ZNF804B: variants seen among roughly 807,000 people sequenced by gnomAD.
ZNF804B encodes zinc finger protein 804B, also known as zinc finger 804B.
In ZNF804B, 80 loss-of-function variants were observed where a neutral mutation model predicts 101.4. The observed-to-expected ratio is 0.79, with a 90% CI of 0.66 to 0.95. ZNF804B has a LOEUF of 0.95. Among genes scored for constraint, ZNF804B ranks in the 40% least tolerant of loss-of-function variants. The pLI, the probability that ZNF804B is intolerant of heterozygous loss-of-function variation, is 0.00. For synonymous variants in ZNF804B, 622 were observed against 558.8 expected (o/e 1.11, Z -1.59); for missense variants, 1,673 against 1,561.9 (o/e 1.07, Z -1.20).
intron 3 of ZNF804B, among the ~76,000 whole-genome samples, chr7:89,331,369 A>G (rs1790979321): frequency 6.6e-6 from 1 of 151,756 alleles, no homozygotes; most frequent in South Asian, 2.1e-4. Context: ...TGCTTGAAAG[A>G]AACATTCAGT....
intron 2 of ZNF804B, among the ~76,000 whole-genome samples, chr7:89,314,396 C>A (rs1790690376): frequency 6.6e-6 from 1 of 152,110 alleles, no homozygotes; most frequent in African/African-American, 2.4e-5. Flanking sequence ...ACCAGTCATA[C>A]TGTCCAGATG....
intron 1 of ZNF804B, among the ~76,000 whole-genome samples, chr7:88,968,474 TC>T (rs1793488198): frequency 6.6e-6 from 1 of 151,662 alleles, no homozygotes; most frequent in Non-Finnish European, 1.5e-5. Flanking sequence ...GATGGATCCA[TC>T]CACGTTCCTA....
intron 1 of ZNF804B, among the ~76,000 whole-genome samples, chr7:89,011,169 A>G (rs1043706133): frequency 2.0e-5 from 3 of 152,120 alleles, no homozygotes; most frequent in Non-Finnish European, 4.4e-5. Flanking sequence ...AATGTCAGAC[A>G]CTTATAGAAC....
intron 1 of ZNF804B, among the ~76,000 whole-genome samples, chr7:88,901,045 A>G (rs1792382262): frequency 6.6e-6 from 1 of 151,880 alleles, no homozygotes; most frequent in South Asian, 2.1e-4. Flanking sequence ...TCAAGTTATT[A>G]GTGGCTTTTT....
At chr7:89,088,038 G>C (rs28733879) in intron 1 of ZNF804B, among the ~76,000 whole-genome samples, 44,854 of 151,020 alleles carry the variant, frequency 0.3, 7,035 homozygotes, top group East Asian at 0.52. Context: ...CTCTTCAAGA[G>C]AGTATATTTG....
intron 1 of ZNF804B, among the ~76,000 whole-genome samples, chr7:89,118,260 T>C (rs1388315518): frequency 6.6e-6 from 1 of 152,198 alleles, no homozygotes; most frequent in Non-Finnish European, 1.5e-5. Context: ...AAATATCGCC[T>C]CCTTGGAGTA....
chr7:89,301,511 T>C (rs957956803), intron 2 of ZNF804B, among the ~76,000 whole-genome samples: 13 of 151,914 alleles, frequency 8.6e-5, no homozygotes, highest in Admixed American at 1.3e-4. Context: ...AGGTTTATCT[T>C]TCAGGCTTCA....
intron 1 of ZNF804B, among the ~76,000 whole-genome samples, chr7:88,851,887 T>C (rs1031354346): frequency 2.6e-5 from 4 of 152,130 alleles, no homozygotes; most frequent in Admixed American, 2.0e-4. Flanking sequence ...TTGGTTCTTA[T>C]ATGTGAAGTG....
At chr7:88,799,890 T>C (rs2115707414) in intron 1 of ZNF804B, among the ~76,000 whole-genome samples, 1 of 152,158 alleles carries the variant, frequency 6.6e-6, no homozygotes, top group Non-Finnish European at 1.5e-5. Flanking sequence ...GAGTTCTCAT[T>C]TGAGCGTGGC....
intron 1 of ZNF804B, among the ~76,000 whole-genome samples, chr7:89,033,305 G>A (rs1788868908): frequency 1.3e-5 from 2 of 152,058 alleles, no homozygotes; most frequent in South Asian, 4.1e-4. Flanking sequence ...TCTTTATAAA[G>A]GCTGAATTAG....
intron 1 of ZNF804B, among the ~76,000 whole-genome samples, chr7:88,827,580 T>C (rs1408744818): frequency 6.6e-6 from 1 of 152,132 alleles, no homozygotes; most frequent in Non-Finnish European, 1.5e-5. Flanking sequence ...ATTTGGGCTC[T>C]AGGTGCACTT....
intron 1 of ZNF804B, among the ~76,000 whole-genome samples, chr7:89,113,747 T>C (rs1486492351): frequency 3.3e-5 from 5 of 152,110 alleles, no homozygotes; most frequent in Non-Finnish European, 4.4e-5. Context: ...GGTCAGGAGA[T>C]TGAGACCATC....
chr7:89,107,531 T>C (rs922795978), intron 1 of ZNF804B, among the ~76,000 whole-genome samples: 1 of 152,160 alleles, frequency 6.6e-6, no homozygotes, highest in Non-Finnish European at 1.5e-5. Flanking sequence ...ACTTCACATC[T>C]TTTTAGGATT....
intron 1 of ZNF804B, among the ~76,000 whole-genome samples, chr7:89,164,820 G>C (rs2116424904): frequency 6.6e-6 from 1 of 152,090 alleles, no homozygotes; most frequent in East Asian, 1.9e-4. Context: ...TAAACTTTTA[G>C]ATATCAGTAC....
At chr7:88,968,656 A>G (rs894387169) in intron 1 of ZNF804B, among the ~76,000 whole-genome samples, 1 of 151,660 alleles carries the variant, frequency 6.6e-6, no homozygotes, top group Admixed American at 6.6e-5. Flanking sequence ...TGGAAGAATA[A>G]GGTGCATACA....
At position 89,294,127 on chromosome 7, in the gene ZNF804B, C is replaced by T. The variant is rs190446759; in HGVS notation, c.250-33217C>T. On this transcript the variant is annotated intron_variant, in intron 2 of 3. Coordinates refer to ENST00000333190, the MANE Select transcript of ZNF804B (RefSeq NM_181646.5). ...AATTGGTTTTCCTGACACTGCAACTCTTTGATGCATTCAAGAAAAGTAGTT... is the reference window on the plus strand; with the variant it reads ...AATTGGTTTTCCTGACACTGCAACTTTTTGATGCATTCAAGAAAAGTAGTT... Among the ~76,000 whole-genome samples the T allele has an allele frequency of 5.3e-5, 8 of 152,292 alleles. No individual in the cohort carries two copies. The East Asian group carries it at 1.5e-3, about 30-fold the overall frequency.
Position 89,155,992 on chromosome 7 carries a change from CTTCT to C in ZNF804B, c.109-62146_109-62143del, listed in dbSNP as rs139417272. 5.5e-3 allele frequency among the ~76,000 whole-genome samples: 726 copies of C among 131,336 alleles called. 9 individuals are homozygous for C. The highest frequency in any genetic ancestry group is 0.017 in the African/African-American group (633 of 36,610). 86.2% of individuals were successfully genotyped at this position (131,336 alleles called of 152,430 possible). ...TCTCTCTCTTTCCTTCCTTCCTTTC[CTTCT>C]TTCTTTCTTTCTTTCTCTCTTTCCT... On this transcript the variant is annotated intron_variant, in intron 1 of 3. Coordinates refer to ENST00000333190, the MANE Select transcript of ZNF804B (RefSeq NM_181646.5).
intron 1 of ZNF804B, among the ~76,000 whole-genome samples, chr7:89,136,232 G>A (rs752457578): frequency 6.6e-6 from 1 of 152,078 alleles, no homozygotes; most frequent in Non-Finnish European, 1.5e-5. Flanking sequence ...TTGCCTGTTT[G>A]TGTTGTGTGC....
chr7:88,826,909 T>C (rs774176335), intron 1 of ZNF804B, among the ~76,000 whole-genome samples: 1 of 152,056 alleles, frequency 6.6e-6, no homozygotes, highest in East Asian at 1.9e-4. Context: ...GAAAGGAATA[T>C]TTTGGGATTA....
Sources: allele counts gnomAD v4.1 joint callset (sites outside exome capture counted in the v4.1 genomes callset), GRCh38; gene constraint gnomAD v4.1.1; transcripts MANE v1.5; gene names NCBI Gene and HGNC (gene_info 2026-07-23, HGNC 2026-07-21).